Variants in SAAL1 observed in about 807,000 individuals in gnomAD.
SAAL1 encodes protein SAAL1.
A neutral mutation model predicts 59.8 loss-of-function variants in SAAL1; 42 were observed. The observed-to-expected ratio is 0.70, with a 90% CI of 0.55 to 0.91. The LOEUF (loss-of-function observed/expected upper bound fraction) is 0.91, where lower values mean the gene tolerates loss of function less well. Among genes scored for constraint, SAAL1 ranks in the 40% least tolerant of loss-of-function variants. The pLI, the probability that SAAL1 is intolerant of heterozygous loss-of-function variation, is 0.00. For synonymous variants in SAAL1, 191 were observed against 194.3 expected (o/e 0.98, Z 0.14); for missense variants, 542 against 561.1 (o/e 0.97, Z 0.34).
At chr11:18,092,108 C>T in intron 4 of SAAL1, 137 bp downstream of exon 4, 3 of 552,700 alleles carry the variant, frequency 5.4e-6, no homozygotes, top group South Asian at 5.9e-5. Context: ...CATCAACACA[C>T]AATGAAGTTC....
chr11:18,086,712 A>T (rs1848467338), intron 9 of SAAL1, 154 bp downstream of exon 9: 1 of 436,118 alleles, frequency 2.3e-6, no homozygotes, highest in Non-Finnish European at 3.8e-6. Flanking sequence ...AAAAAATAAA[A>T]ATCAATAAAA....
At chr11:18,099,576 A>C (rs1237066684) in intron 2 of SAAL1, among the ~76,000 whole-genome samples, 1 of 152,262 alleles carries the variant, frequency 6.6e-6, no homozygotes, top group Non-Finnish European at 1.5e-5. Flanking sequence ...AAGGCATTTC[A>C]GAAGGGGTGA....
chr11:18,103,022 C>T (rs1163011593), intron 2 of SAAL1, among the ~76,000 whole-genome samples: 1 of 152,060 alleles, frequency 6.6e-6, no homozygotes, highest in Non-Finnish European at 1.5e-5. Context: ...GTATTTAGTC[C>T]GAATCTGTTG....
At chr11:18,093,069 A>G (rs1162598692) in intron 3 of SAAL1, among the ~76,000 whole-genome samples, 1 of 152,196 alleles carries the variant, frequency 6.6e-6, no homozygotes, top group Non-Finnish European at 1.5e-5. Context: ...GATGTGAATC[A>G]TTCTTTTGTT....
At chr11:18,090,006 C>T (rs1436038284) in intron 6 of SAAL1, among the ~76,000 whole-genome samples, 169 bp downstream of exon 6, 2 of 152,210 alleles carry the variant, frequency 1.3e-5, no homozygotes, top group African/African-American at 4.8e-5. Context: ...TATGATCACA[C>T]TACTGCACTC....
intron 4 of SAAL1, chr11:18,090,694 TAGTC>T (rs1479155369): frequency 5.2e-5 from 26 of 503,266 alleles, no homozygotes; most frequent in African/African-American, 4.6e-4. Flanking sequence ...TGCATCTTTG[TAGTC>T]ACCATGTGTC....
chr11:18,085,645 G>GA (rs1338781812), intron 9 of SAAL1, among the ~76,000 whole-genome samples: 1 of 152,198 alleles, frequency 6.6e-6, no homozygotes, highest in African/African-American at 2.4e-5. Flanking sequence ...AACTTAGAAT[G>GA]AAGAGGAATT....
chr11:18,101,264 C>A (rs1848630539), intron 2 of SAAL1, among the ~76,000 whole-genome samples: 1 of 152,120 alleles, frequency 6.6e-6, no homozygotes. Flanking sequence ...TATGATCCAG[C>A]CATGCCACTT....
At position 18,103,312 on chromosome 11, in the gene SAAL1, T is replaced by C; in HGVS notation, c.170A>G (p.Asp57Gly). 1.2e-6 allele frequency: 2 copies of C among 1,613,944 alleles called. No homozygotes were observed. The highest frequency in any genetic ancestry group is 8.5e-7 in the Non-Finnish European group (1 of 1,179,944). Reference sequence around the variant, plus strand: ...AAGCTCCGTCAGCTGCTCCTCATCATCTGAGCTAGATTTGGTGTTTTCAGG... The same window carrying C: ...AAGCTCCGTCAGCTGCTCCTCATCACCTGAGCTAGATTTGGTGTTTTCAGG... The part of the protein sequence containing the change: ...VSPENTKSSS[D>G]DEEQLTELDE... The change falls in exon 2 of 12, where the codon GAT (aspartate) becomes GGT (glycine). Residue 57 changes from aspartate (D) to glycine (G), a missense_variant. By Grantham distance (94) the Asp-to-Gly change is moderately conservative (BLOSUM62 -1). Transcript: ENST00000524803.
At chr11:18,092,741 T>C (rs1158311032) in intron 3 of SAAL1, among the ~76,000 whole-genome samples, 1 of 152,070 alleles carries the variant, frequency 6.6e-6, no homozygotes, top group East Asian at 1.9e-4. Context: ...ATGAGGTAAA[T>C]ACTGCAGGTA....
intron 2 of SAAL1, among the ~76,000 whole-genome samples, chr11:18,102,446 G>GT (rs143476922): frequency 0.13 from 19,126 of 151,308 alleles, 1,610 homozygotes; most frequent in African/African-American, 0.24. Flanking sequence ...ACAATATGCA[G>GT]TTTTTTGGTG....
rs776109370 is a variant in SAAL1, at chr11:18,089,493, C to A, written c.607G>T (p.Val203Leu). Residue 203 changes from valine (V) to leucine (L), a missense_variant, in exon 7 of 12, where the codon GTG becomes TTG. Coordinates refer to ENST00000524803, the MANE Select transcript of SAAL1 (RefSeq NM_138421.3). The stretch of plus-strand genomic sequence containing the variant: ...AAGAGCTTGTCCACAACCTCCCCCA[C>A]CTTCACCAGCAAGTCAACTGCAGAG... Reference protein sequence around the residue: ...SSTNVDLLVKVGEVVDKLFDL... With the variant: ...SSTNVDLLVKLGEVVDKLFDL... 5.0e-6 allele frequency: 8 copies of A among 1,611,184 alleles called. No homozygotes were observed. In the East Asian group the frequency reaches 1.3e-4, roughly 27 times the overall value.
intron 2 of SAAL1, among the ~76,000 whole-genome samples, chr11:18,101,134 T>C (rs1590292046): frequency 6.6e-6 from 1 of 152,208 alleles, no homozygotes; most frequent in Non-Finnish European, 1.5e-5. Flanking sequence ...TTGGTGAGGT[T>C]GAGGAGAAAT....
intron 3 of SAAL1, among the ~76,000 whole-genome samples, chr11:18,092,789 A>C (rs1218309825): frequency 6.6e-6 from 1 of 152,164 alleles, no homozygotes; most frequent in Admixed American, 6.5e-5. Flanking sequence ...TGCCGTGCTG[A>C]AGAATTAGAC....
chr11:18,089,028 T>C (rs1461071007), intron 7 of SAAL1, among the ~76,000 whole-genome samples: 1 of 152,238 alleles, frequency 6.6e-6, no homozygotes, highest in African/African-American at 2.4e-5. Flanking sequence ...ATGAAGTTGT[T>C]AAATGTTCAA....
At chr11:18,092,817 T>C (rs924437661) in intron 3 of SAAL1, among the ~76,000 whole-genome samples, 2 of 152,110 alleles carry the variant, frequency 1.3e-5, no homozygotes, top group African/African-American at 4.8e-5. Context: ...GGGAAGTTAT[T>C]TGGAATCATG....
intron 9 of SAAL1, among the ~76,000 whole-genome samples, chr11:18,085,910 C>A (rs1056334914): frequency 6.6e-6 from 1 of 152,170 alleles, no homozygotes; most frequent in Non-Finnish European, 1.5e-5. Context: ...CCACACTTCA[C>A]ATGTGACACG....
At chr11:18,086,040 A>G (rs1848460407) in intron 9 of SAAL1, among the ~76,000 whole-genome samples, 1 of 152,244 alleles carries the variant, frequency 6.6e-6, no homozygotes, top group Admixed American at 6.5e-5. Context: ...GTTGGCTAAA[A>G]AGCAGAATTA....
intron 2 of SAAL1, among the ~76,000 whole-genome samples, chr11:18,098,138 C>G (rs1006244577): frequency 3.9e-5 from 6 of 152,204 alleles, no homozygotes; most frequent in Non-Finnish European, 7.3e-5. Context: ...CAGAGTGAGA[C>G]TTTGTCTCAA....
Sources: gnomAD v4.1 joint callset for allele counts (sites outside exome capture counted in the v4.1 genomes callset) on GRCh38, gnomAD v4.1.1 for gene constraint, MANE v1.5 for transcripts, NCBI Gene and HGNC (gene_info 2026-07-23, HGNC 2026-07-21) for gene names.